The following CHN1 variants were observed in gnomAD, a reference collection of about 807,000 sequenced individuals.
CHN1 encodes the protein N-chimaerin.
A neutral mutation model predicts 59.5 loss-of-function variants in CHN1; 37 were observed. The observed-to-expected ratio is 0.62, with a 90% CI of 0.48 to 0.82. The LOEUF (loss-of-function observed/expected upper bound fraction) is 0.82. Among genes scored for constraint, CHN1 ranks in the 40% least tolerant of loss-of-function variants. The pLI, the probability that CHN1 is intolerant of heterozygous loss-of-function variation, is 0.00. For missense variants in CHN1, 469 were observed against 571.0 expected (o/e 0.82, Z 1.82); for synonymous variants, 206 against 200.4 (o/e 1.03, Z -0.24).
chr2:174,903,655 A>G (rs905251451), intron 5 of CHN1, among the ~76,000 whole-genome samples: 9 of 152,188 alleles, frequency 5.9e-5, no homozygotes, highest in African/African-American at 2.2e-4. Flanking sequence ...ACAGATGCAA[A>G]TACGCTTATT....
intron 1 of CHN1, among the ~76,000 whole-genome samples, chr2:174,965,452 T>A (rs922368727): frequency 1.1e-4 from 17 of 152,168 alleles, no homozygotes; most frequent in Admixed American, 5.9e-4. Context: ...TTAAGCTGTT[T>A]ATTTTTTTAG....
At chr2:174,823,442 T>A (rs887017526) in intron 8 of CHN1, among the ~76,000 whole-genome samples, 3 of 152,112 alleles carry the variant, frequency 2.0e-5, no homozygotes, top group Admixed American at 2.0e-4. Flanking sequence ...GGCGGGTGGA[T>A]CACGAGGTCA....
chr2:174,992,248 G>C (rs781372325), intron 1 of CHN1, among the ~76,000 whole-genome samples: 1 of 152,228 alleles, frequency 6.6e-6, no homozygotes, highest in African/African-American at 2.4e-5. Flanking sequence ...AACATGTGGC[G>C]TCTGAAGTGT....
chr2:174,931,338 G>T (rs184450148), intron 3 of CHN1, among the ~76,000 whole-genome samples: 1 of 152,240 alleles, frequency 6.6e-6, no homozygotes, highest in African/African-American at 2.4e-5. Context: ...TGCACTATAG[G>T]CTGTGTGAGC....
chr2:174,800,904 G>A (rs1684698672), intron 12 of CHN1, among the ~76,000 whole-genome samples: 1 of 152,236 alleles, frequency 6.6e-6, no homozygotes, highest in Non-Finnish European at 1.5e-5. Flanking sequence ...GAAGTTGTAA[G>A]CACATTAAAC....
At chr2:174,833,247 T>C (rs1340737465) in intron 7 of CHN1, among the ~76,000 whole-genome samples, 3 of 152,220 alleles carry the variant, frequency 2.0e-5, no homozygotes, top group Non-Finnish European at 2.9e-5. Context: ...ATTTTGCACC[T>C]GTTATTAGGT....
chr2:174,879,232 T>A (rs945312297), intron 5 of CHN1, among the ~76,000 whole-genome samples: 5 of 152,188 alleles, frequency 3.3e-5, no homozygotes, highest in Non-Finnish European at 7.3e-5. Flanking sequence ...ATTGTTCTGG[T>A]ATAGGTTATA....
At chr2:174,847,108 T>C (rs2105436174) in intron 6 of CHN1, 151 bp from the exon 7 acceptor site, 3 of 1,550,830 alleles carry the variant, frequency 1.9e-6, no homozygotes, top group South Asian at 1.2e-5. Flanking sequence ...TTTTCCTCCC[T>C]GACCAAGACT....
intron 1 of CHN1, among the ~76,000 whole-genome samples, chr2:175,002,226 A>C (rs1415479711): frequency 2.6e-5 from 4 of 152,234 alleles, no homozygotes; most frequent in African/African-American, 9.6e-5. Context: ...GTTCATTTGA[A>C]AGGAGAAGAA....
chr2:174,924,629 T>TAA (rs1558983860), intron 3 of CHN1, among the ~76,000 whole-genome samples: 1 of 152,204 alleles, frequency 6.6e-6, no homozygotes, highest in Non-Finnish European at 1.5e-5. Context: ...TAAGGTATGA[T>TAA]TACTTCAGTG....
Position 174,982,043 on chromosome 2 carries a change from G to A in CHN1, c.19+22851C>T, listed in dbSNP as rs148786365. Among the ~76,000 whole-genome samples the A allele has an allele frequency of 3.8e-3, 581 of 152,198 alleles. 4 individuals carry two copies. Among genetic ancestry groups the A allele is most frequent in the African/African-American group, 0.013 (554 of 41,530 alleles). On this transcript the variant is annotated intron_variant, in intron 1 of 12. Transcript: ENST00000409900. Reference sequence around the variant, plus strand: ...TTCCCACCTATGAGTGAGAACACGCGGTGTTTGGTTTTTTTGTCCTTGCGA... The same window carrying A: ...TTCCCACCTATGAGTGAGAACACGCAGTGTTTGGTTTTTTTGTCCTTGCGA...
chr2:174,938,063 A>G (rs1689548131), intron 3 of CHN1, among the ~76,000 whole-genome samples: 1 of 152,126 alleles, frequency 6.6e-6, no homozygotes, highest in Admixed American at 6.6e-5. Context: ...GACAGGCTCA[A>G]GAACTCCTAG....
chr2:174,980,161 G>A (rs1448644577), intron 1 of CHN1, among the ~76,000 whole-genome samples: 1 of 152,124 alleles, frequency 6.6e-6, no homozygotes, highest in Non-Finnish European at 1.5e-5. Context: ...GAATAAGAGA[G>A]GCTATTAATA....
chr2:174,898,295 T>C (rs1340472473), intron 5 of CHN1, among the ~76,000 whole-genome samples: 2 of 152,056 alleles, frequency 1.3e-5, no homozygotes, highest in Non-Finnish European at 2.9e-5. Context: ...CAAACAACTA[T>C]TTTGGGTAAG....
At chr2:174,936,318 G>A (rs978568028) in intron 3 of CHN1, among the ~76,000 whole-genome samples, 1 of 152,126 alleles carries the variant, frequency 6.6e-6, no homozygotes, top group African/African-American at 2.4e-5. Flanking sequence ...CGTCCACTTT[G>A]AGGGTCCATG....
intron 5 of CHN1, among the ~76,000 whole-genome samples, chr2:174,895,843 A>T (rs1688203692): frequency 2.6e-5 from 4 of 152,106 alleles, no homozygotes. Context: ...AACTCACAAA[A>T]AACTGTTCAC....
At chr2:174,891,568 CAAAAAAAAAAAAAG>C (rs886638438) in intron 5 of CHN1, among the ~76,000 whole-genome samples, 46 of 93,684 alleles carry the variant, frequency 4.9e-4, no homozygotes, top group African/African-American at 1.8e-3. Flanking sequence ...GACTCCATCT[CAAAAAAAAAAAAAG>C]AAAAAAAAGA....
intron 3 of CHN1, among the ~76,000 whole-genome samples, chr2:174,927,995 G>A (rs1325843988): frequency 6.6e-6 from 1 of 152,080 alleles, no homozygotes; most frequent in East Asian, 1.9e-4. Flanking sequence ...CTGAAGATTT[G>A]GTTCTGCATT....
At chr2:174,946,807 T>C (rs1408175166) in intron 2 of CHN1, among the ~76,000 whole-genome samples, 2 of 150,062 alleles carry the variant, frequency 1.3e-5, no homozygotes, top group Non-Finnish European at 2.9e-5. Flanking sequence ...CTCACACTTG[T>C]AATCCCAGCA....
Sources: gnomAD v4.1 joint callset for allele counts (sites outside exome capture counted in the v4.1 genomes callset) on GRCh38, gnomAD v4.1.1 for gene constraint, MANE v1.5 for transcripts, NCBI Gene and HGNC (gene_info 2026-07-23, HGNC 2026-07-21) for gene names.